Variants in ATG2B observed in about 807,000 individuals in gnomAD.
The protein encoded by ATG2B is autophagy related 2B.
ATG2B carries 121 observed loss-of-function variants against 241.3 expected under a neutral mutation model. The observed-to-expected ratio is 0.50, with a 90% confidence interval of 0.43 to 0.58. The LOEUF (loss-of-function observed/expected upper bound fraction) is 0.58, where lower values mean the gene tolerates loss of function less well. Ranked by LOEUF, ATG2B falls within the 20% of genes least tolerant of loss-of-function variation. The probability of loss-of-function intolerance (pLI) is 0.00; values close to 1 mark genes in which losing one functional copy is unlikely to be tolerated. For synonymous variants in ATG2B, 858 were observed against 876.6 expected (o/e 0.98, Z 0.37); for missense variants, 2,306 against 2,491.6 (o/e 0.93, Z 1.59).
chr14:96,329,780 T>A (rs1211730073), intron 11 of ATG2B, 146 bp from the exon 12 acceptor site: 1 of 542,644 alleles, frequency 1.8e-6, no homozygotes, highest in Non-Finnish European at 3.1e-6. Context: ...TTCCTTAAGA[T>A]AAAAAATCAG....
intron 6 of ATG2B, 118 bp downstream of exon 6, chr14:96,341,404 C>T (rs139574106): frequency 6.8e-6 from 5 of 735,842 alleles, no homozygotes; most frequent in Non-Finnish European, 1.0e-5. Flanking sequence ...AACTCGGTGA[C>T]AGCAGTACAC....
chr14:96,322,876 A>G (rs1219598443), intron 16 of ATG2B, 141 bp from the exon 17 acceptor site: 7 of 664,458 alleles, frequency 1.1e-5, no homozygotes, highest in Non-Finnish European at 1.7e-5. Flanking sequence ...AATTATGTCT[A>G]AGGTAACCCA....
chr14:96,331,508 A>G lies in ATG2B; in HGVS notation c.1598T>C (p.Leu533Pro), dbSNP rs1233767950. 4 of 1,614,020 alleles carry G rather than the reference A, an allele frequency of 2.5e-6. No individual in the cohort carries two copies. The East Asian group carries it at 8.9e-5, about 36-fold the overall frequency. The change falls in exon 11 of 42, where the codon CTT becomes CCT. Residue 533 changes from leucine (L) to proline (P), a missense_variant. Physicochemically the swap from Leu to Pro is moderately conservative, Grantham distance 98. Transcript: ENST00000359933. ...PLSPPETSQN[L>P]NPLTPMAVAF... ...TACTGCCATAGGTGTCAATGGATTA[A>G]GGTTCTGTGACGTTTCAGGTGGAGA...
chr14:96,342,747 G>T (rs899851326), intron 5 of ATG2B, among the ~76,000 whole-genome samples: 2 of 149,756 alleles, frequency 1.3e-5, no homozygotes, highest in Non-Finnish European at 3.0e-5. Context: ...ACATAAATGA[G>T]TTTTATGAGT....
chr14:96,350,748 A>G (rs1019454247), intron 1 of ATG2B, among the ~76,000 whole-genome samples: 1 of 152,162 alleles, frequency 6.6e-6, no homozygotes, highest in African/African-American at 2.4e-5. Context: ...ACTACTTTAA[A>G]AGGCTTTCTT....
At chr14:96,286,035 G>T in intron 41 of ATG2B, 50 bp from the exon 42 acceptor site, 1 of 1,468,928 alleles carries the variant, frequency 6.8e-7, no homozygotes, top group Non-Finnish European at 9.4e-7. Context: ...ACAAACTCTG[G>T]TCGGAAAACT....
chr14:96,333,489 T>C (rs916066788), intron 8 of ATG2B, among the ~76,000 whole-genome samples, 199 bp downstream of exon 8: 15 of 152,202 alleles, frequency 9.9e-5, no homozygotes, highest in Admixed American at 7.9e-4. Flanking sequence ...CAAAAAAATA[T>C]ACTATAGCAC....
At chr14:96,308,266 A>ATG (rs1887041431) in intron 29 of ATG2B, among the ~76,000 whole-genome samples, 3 of 15,538 alleles carry the variant, frequency 1.9e-4, no homozygotes, top group African/African-American at 7.9e-4. Context: ...ACATATATAT[A>ATG]TATATATATA....
intron 35 of ATG2B, 86 bp downstream of exon 35, chr14:96,295,396 G>A: frequency 2.1e-6 from 2 of 957,610 alleles, no homozygotes; most frequent in East Asian, 2.5e-5. Context: ...AATAAATATT[G>A]TAAGTACATT....
intron 41 of ATG2B, among the ~76,000 whole-genome samples, chr14:96,286,593 AT>A (rs1362341107): frequency 6.6e-6 from 1 of 152,172 alleles, no homozygotes; most frequent in Non-Finnish European, 1.5e-5. Context: ...AATAATGATG[AT>A]TGCTAAGCTT....
chr14:96,330,688 T>C (rs1317859218), intron 11 of ATG2B, among the ~76,000 whole-genome samples: 2 of 152,192 alleles, frequency 1.3e-5, no homozygotes, highest in African/African-American at 4.8e-5. Context: ...AGCTTGAACC[T>C]GAGAGGCAGA....
chr14:96,290,428 A>G lies in ATG2B; in HGVS notation c.5856+8T>C, dbSNP rs764753187. 103 of 1,613,852 alleles carry G rather than the reference A, an allele frequency of 6.4e-5. No homozygotes were observed. Among genetic ancestry groups the G allele is most frequent in the Admixed American group, 1.5e-4 (9 of 59,972 alleles). On this transcript the variant is annotated splice_region_variant and intron_variant, in intron 40 of 41. Coordinates refer to ENST00000359933, the MANE Select transcript of ATG2B (RefSeq NM_018036.7). This position sits in a 1 kb window ranked among gnomAD's most constrained non-coding sequence, Gnocchi z 4.4. ...TTTTGGATAGACTAAGGCAGTCTAAAAAGATACCTGTATGGTTTGAACCAT... is the reference window on the plus strand; with the variant it reads ...TTTTGGATAGACTAAGGCAGTCTAAGAAGATACCTGTATGGTTTGAACCAT...
At chr14:96,291,002 G>GT (rs968273948) in intron 38 of ATG2B, 67 bp from the exon 39 acceptor site, 1,471 of 1,309,308 alleles carry the variant, frequency 1.1e-3, no homozygotes, top group Middle Eastern at 2.9e-3. Context: ...TAGTTTGAGG[G>GT]TTTTTTTTTA....
intron 16 of ATG2B, among the ~76,000 whole-genome samples, chr14:96,323,416 G>A (rs1432817550): frequency 2.0e-5 from 3 of 152,162 alleles, no homozygotes; most frequent in African/African-American, 7.2e-5. Flanking sequence ...ATTGTTATAA[G>A]GAGGCATGGA....
intron 21 of ATG2B, 151 bp downstream of exon 21, chr14:96,316,382 A>T: frequency 1.3e-6 from 1 of 765,612 alleles, no homozygotes; most frequent in African/African-American, 1.8e-5. Flanking sequence ...GTTGACTTCT[A>T]ATTTGTAAAT....
At chr14:96,324,693 AT>A (rs1877175123) in intron 15 of ATG2B, among the ~76,000 whole-genome samples, 1 of 152,094 alleles carries the variant, frequency 6.6e-6, no homozygotes, top group African/African-American at 2.4e-5. Context: ...CAAAAATTCT[AT>A]ACGTGTTTTT....
intron 21 of ATG2B, among the ~76,000 whole-genome samples, 165 bp from the exon 22 acceptor site, chr14:96,315,748 T>A (rs1381773236): frequency 1.3e-5 from 2 of 152,228 alleles, no homozygotes; most frequent in African/African-American, 4.8e-5. Flanking sequence ...TCCTCTTTGC[T>A]AATGTTAGTG....
rs367766071 is a variant in ATG2B at position 96,341,685 on chromosome 14, A to C, written c.761T>G (p.Leu254Arg). The change falls in exon 6 of 42, where the codon CTC becomes CGC. Residue 254 changes from leucine to arginine, a missense_variant. Physicochemically the swap from Leu to Arg is moderately radical, Grantham distance 102. Coordinates refer to ENST00000359933, the MANE Select transcript of ATG2B (RefSeq NM_018036.7). The part of the protein sequence containing the change: ...STAPVETEPK[L>R]SPSWNPKIIY... ...AATTTTGGGGTTCCAGCTAGGTGAG[A>C]GCTTTGGCTCAGTTTCCTACAATAA... 1 of 1,579,100 alleles carries C rather than the reference A, an allele frequency of 6.3e-7. No individual in the cohort carries two copies. The highest frequency in any genetic ancestry group is 8.6e-7 in the Non-Finnish European group (1 of 1,161,060).
intron 1 of ATG2B, among the ~76,000 whole-genome samples, chr14:96,357,120 A>G (rs1888497950): frequency 1.3e-5 from 2 of 152,178 alleles, no homozygotes; most frequent in Admixed American, 1.3e-4. Flanking sequence ...CATTAAAATG[A>G]CAAATGCAAT....
Sources: gnomAD v4.1 joint callset for allele counts (sites outside exome capture counted in the v4.1 genomes callset) on GRCh38, gnomAD v4.1.1 for gene constraint, Gnocchi (gnomAD v3.1) non-coding constraint, MANE v1.5 for transcripts, NCBI Gene and HGNC (gene_info 2026-07-23, HGNC 2026-07-21) for gene names.